Variants in ZNF879 observed in about 807,000 individuals in gnomAD.
ZNF879 encodes the protein zinc finger protein 879.
In ZNF879, 32 loss-of-function variants were observed where a neutral mutation model predicts 44.3. The ratio of observed to expected loss-of-function variants is 0.72; its 90% confidence interval spans 0.54 to 0.97. ZNF879 has a LOEUF of 0.97. Ranked by LOEUF, ZNF879 falls within the 50% of genes least tolerant of loss-of-function variation. ZNF879 has a pLI of 0.00. For missense variants in ZNF879, 621 were observed against 669.7 expected, an observed-to-expected ratio of 0.93 and a Z score of 0.80; for synonymous variants, 234 against 233.2, an observed-to-expected ratio of 1.00 and a Z score of -0.03.
At chr5:179,024,052 G>A (rs1453717411) in intron 1 of ZNF879, 148 bp downstream of exon 1, 1 of 152,236 alleles carries the variant, frequency 6.6e-6, no homozygotes, top group African/African-American at 2.4e-5. Flanking sequence ...GGCCCCGGAG[G>A]GGGCGTGGCC....
rs1191407637 is a variant in ZNF879 at position 179,034,112 on chromosome 5, G to GT, written c.*478dup. ...ATAGCTACCTCACTGTCACTAAAAT[G>GT]TTTTTTAATAATCTTAAAGCAGATT... On this transcript the variant is annotated 3_prime_UTR_variant, in exon 5 of 5. Transcript: ENST00000444149. The GT allele has an allele frequency of 3.9e-5, 6 of 152,932 alleles. No individual in the cohort carries two copies. Among genetic ancestry groups the GT allele is most frequent in the African/African-American group, 1.4e-4 (6 of 41,598 alleles). 9.5% of individuals were successfully genotyped at this position (152,932 alleles called of 1,614,324 possible). A position where few individuals can be genotyped will look rare whatever the true frequency, so the allele number is the denominator to read the frequency against.
chr5:179,024,924 A>C (rs1331023733), intron 1 of ZNF879, 46 bp from the exon 2 acceptor site: 3 of 1,456,408 alleles, frequency 2.1e-6, no homozygotes, highest in African/African-American at 2.8e-5. Context: ...GAGGGTGGGC[A>C]TGCAGGCTGG....
intron 4 of ZNF879, 58 bp downstream of exon 4, chr5:179,028,185 C>G: frequency 1.4e-6 from 2 of 1,480,526 alleles, no homozygotes; most frequent in Non-Finnish European, 1.8e-6. Context: ...CAGGGCACAG[C>G]GAGGAGGCTG....
intron 2 of ZNF879, among the ~76,000 whole-genome samples, 181 bp downstream of exon 2, chr5:179,025,218 T>G (rs6601005): frequency 6.6e-6 from 1 of 152,006 alleles, no homozygotes; most frequent in African/African-American, 2.4e-5. Context: ...TGCTTTTTTT[T>G]TTTTTTCTTT....
chr5:179,024,729 TCATCCC>T (rs1172971140), intron 1 of ZNF879: 6 of 489,412 alleles, frequency 1.2e-5, no homozygotes, highest in African/African-American at 1.1e-4. Flanking sequence ...CAGATGGTCT[TCATCCC>T]TTCGCTCCTT....
rs1761303156 is a variant in ZNF879, at chr5:179,027,524, T to C, written c.85T>C (p.Leu29=). ...VAVFFSQDEW[L]HLDSAQRALY... The stretch of plus-strand genomic sequence containing the variant: ...CGTGTTCTTCAGCCAGGACGAGTGG[T>C]TGCACCTGGACTCTGCCCAGAGAGC... The change falls in exon 3 of 5, where the codon TTG becomes CTG. Residue 29 remains leucine (L), a synonymous_variant. Transcript: ENST00000444149. 3 of 1,614,128 alleles carry C rather than the reference T, an allele frequency of 1.9e-6. No homozygotes were observed. The highest frequency in any genetic ancestry group is 1.3e-5 in the African/African-American group (1 of 75,026).
Position 179,033,592 on chromosome 5 carries a change from T to G in ZNF879, c.1644T>G (p.Ala548=), listed in dbSNP as rs1166771618. ...KPYKCKECGK[A]FSQSSSLTNH... ...ATAAATGTAAAGAATGTGGGAAGGCTTTTAGTCAGAGCTCATCTCTTACTA... is the reference window on the plus strand; with the variant it reads ...ATAAATGTAAAGAATGTGGGAAGGCGTTTAGTCAGAGCTCATCTCTTACTA... The change falls in exon 5 of 5, where the codon GCT becomes GCG. Residue 548 remains alanine (A), a synonymous_variant. Coordinates refer to ENST00000444149, the MANE Select transcript of ZNF879 (RefSeq NM_001136116.3). The G allele has an allele frequency of 6.5e-7, 1 of 1,545,666 alleles. No individual in the cohort carries two copies. The highest frequency in any genetic ancestry group is 1.4e-5 in the African/African-American group (1 of 72,652).
In ZNF879 at chr5:179,034,530, TC is replaced by T. The variant is rs1167277566; in HGVS notation, c.*891del. 1 of 152,226 alleles carries T rather than the reference TC, an allele frequency of 6.6e-6. No homozygotes were observed. The highest frequency in any genetic ancestry group is 1.5e-5 in the Non-Finnish European group (1 of 68,044). 9.4% of individuals were successfully genotyped at this position (152,226 alleles called of 1,614,324 possible). Reference sequence around the variant, plus strand: ...AGAAGGCCCAGGAACAATGTAGAACTCAGGTCATCATCCTTGGAGGTAAAAT... The same window carrying T: ...AGAAGGCCCAGGAACAATGTAGAACTAGGTCATCATCCTTGGAGGTAAAAT... On this transcript the variant is annotated 3_prime_UTR_variant, in exon 5 of 5. Coordinates refer to ENST00000444149, the MANE Select transcript of ZNF879 (RefSeq NM_001136116.3).
Position 179,033,548 on chromosome 5 carries a change from C to T in ZNF879, c.1600C>T (p.His534Tyr). The T allele has an allele frequency of 6.4e-7, 1 of 1,553,472 alleles. No individual in the cohort carries two copies. Among genetic ancestry groups the T allele is most frequent in the Non-Finnish European group, 8.7e-7 (1 of 1,148,182 alleles). The change falls in exon 5 of 5, where the codon CAT becomes TAT. Residue 534 changes from histidine to tyrosine, a missense_variant. By Grantham distance (83) the His-to-Tyr change is moderately conservative (BLOSUM62 2). Coordinates refer to ENST00000444149, the MANE Select transcript of ZNF879 (RefSeq NM_001136116.3). ...ATCCCTTATGACACACATGAGAATT[C>T]ATACAGGGGAAAAACCTTATAAATG... ...SSSLMTHMRI[H>Y]TGEKPYKCKE...
intron 4 of ZNF879, among the ~76,000 whole-genome samples, chr5:179,029,142 C>T (rs1333692965): frequency 6.7e-6 from 1 of 148,236 alleles, no homozygotes; most frequent in Non-Finnish European, 1.5e-5. Context: ...CCAAACTGCT[C>T]CACTGTCTTT....
At chr5:179,031,501 A>G (rs1221220593) in intron 4 of ZNF879, among the ~76,000 whole-genome samples, 1 of 152,028 alleles carries the variant, frequency 6.6e-6, no homozygotes. Flanking sequence ...CTTTAATTTC[A>G]TTTTCTCATC....
In ZNF879 at chr5:179,033,733, T is replaced by G. The variant is rs1346135087; in HGVS notation, c.*93T>G. 4 of 948,054 alleles carry G rather than the reference T, an allele frequency of 4.2e-6. No homozygotes were observed. The highest frequency in any genetic ancestry group is 6.1e-6 in the Non-Finnish European group (4 of 653,518). 58.7% of individuals were successfully genotyped at this position (948,054 alleles called of 1,614,324 possible). A position where few individuals can be genotyped will look rare whatever the true frequency, so the allele number is the denominator to read the frequency against. On this transcript the variant is annotated 3_prime_UTR_variant, in exon 5 of 5. Coordinates refer to ENST00000444149, the MANE Select transcript of ZNF879 (RefSeq NM_001136116.3). ...TGGGGAGAAAGTGATGAAGAGTAGTTAATCATAGGTAAAACTTCAGCATTA... is the reference window on the plus strand; with the variant it reads ...TGGGGAGAAAGTGATGAAGAGTAGTGAATCATAGGTAAAACTTCAGCATTA...
chr5:179,029,995 A>C (rs1761378777), intron 4 of ZNF879, among the ~76,000 whole-genome samples: 1 of 152,350 alleles, frequency 6.6e-6, no homozygotes, highest in East Asian at 1.9e-4. Flanking sequence ...ACAAAGCCAT[A>C]ATATAAAGAG....
At chr5:179,025,149 G>A in intron 2 of ZNF879, 112 bp downstream of exon 2, 2 of 1,185,356 alleles carry the variant, frequency 1.7e-6, no homozygotes, top group Non-Finnish European at 2.4e-6. Context: ...GGACCAGAGG[G>A]CTTGGTAGCT....
At chr5:179,030,338 C>G (rs1761386360) in intron 4 of ZNF879, among the ~76,000 whole-genome samples, 1 of 152,180 alleles carries the variant, frequency 6.6e-6, no homozygotes, top group South Asian at 2.1e-4. Flanking sequence ...GCACAGATAA[C>G]TGTGCAGAGT....
rs757161728 is a variant in ZNF879, at chr5:179,032,737, T to A, written c.789T>A (p.Ser263Arg). The A allele has an allele frequency of 3.9e-6, 6 of 1,554,988 alleles. No individual in the cohort carries two copies. Among genetic ancestry groups the A allele is most frequent in the Non-Finnish European group, 2.6e-6 (3 of 1,149,248 alleles). Residue 263 changes from serine (S) to arginine (R), a missense_variant, in exon 5 of 5, where the codon AGT (serine) becomes AGA (arginine). Ser to Arg is a moderately radical substitution (Grantham distance 110, BLOSUM62 -1). Coordinates refer to ENST00000444149, the MANE Select transcript of ZNF879 (RefSeq NM_001136116.3). ...CAGGAGAGAAACCTTATATATGTAG[T>A]GAATGTGGAAAAGCCTTCAGTTTCA... is the stretch of plus-strand genomic sequence containing the variant. Reference protein sequence around the residue: ...VHTGEKPYICSECGKAFSFTT... With the variant: ...VHTGEKPYICRECGKAFSFTT...
chr5:179,025,826 A>G (rs1761251285), intron 2 of ZNF879, among the ~76,000 whole-genome samples: 1 of 152,072 alleles, frequency 6.6e-6, no homozygotes, highest in African/African-American at 2.4e-5. Flanking sequence ...CTGAGGCAGG[A>G]GAATCACTTG....
In ZNF879 at chr5:179,032,855, C is replaced by CT; in HGVS notation, c.909dup (p.Asn304Ter). On this transcript the variant is annotated frameshift_variant, in exon 5 of 5. Coordinates refer to ENST00000444149, the MANE Select transcript of ZNF879 (RefSeq NM_001136116.3). LOFTEE classifies it high-confidence loss of function. ...AAAAACATTTAAAGGTAGTTCATCT[C>CT]TTAATAATCACCAGCGAATTCACAC... 1 of 1,562,870 alleles carries CT rather than the reference C, an allele frequency of 6.4e-7. No individual in the cohort carries two copies. The highest frequency in any genetic ancestry group is 8.7e-7 in the Non-Finnish European group (1 of 1,153,546).
At chr5:179,030,573 C>A (rs753283694) in intron 4 of ZNF879, among the ~76,000 whole-genome samples, 1 of 152,052 alleles carries the variant, frequency 6.6e-6, no homozygotes, top group Non-Finnish European at 1.5e-5. Context: ...TAATTTCAAT[C>A]CATTTTAATT....
Sources: gnomAD v4.1 joint callset for allele counts (sites outside exome capture counted in the v4.1 genomes callset) on GRCh38, gnomAD v4.1.1 for gene constraint, MANE v1.5 for transcripts, NCBI Gene and HGNC (gene_info 2026-07-23, HGNC 2026-07-21) for gene names.